Variants in STAU2 observed in about 807,000 individuals in gnomAD.
The protein encoded by STAU2 is staufen double-stranded RNA binding protein 2, also known as double-stranded RNA-binding protein Staufen homolog 2.
A neutral mutation model predicts 65.9 loss-of-function variants in STAU2; 20 were observed. The observed-to-expected ratio is 0.30, with a 90% CI of 0.21 to 0.44. STAU2 has a LOEUF of 0.44. Ranked by LOEUF, STAU2 falls within the 20% of genes least tolerant of loss-of-function variation. The pLI, the probability that STAU2 is intolerant of heterozygous loss-of-function variation, is 1.00. For synonymous variants in STAU2, 232 were observed against 233.9 expected, an observed-to-expected ratio of 0.99 and a Z score of 0.07; for missense variants, 558 against 683.9, an observed-to-expected ratio of 0.82 and a Z score of 2.05.
At chr8:73,614,510 A>G (rs796155789) in intron 8 of STAU2, among the ~76,000 whole-genome samples, 55 of 152,308 alleles carry the variant, frequency 3.6e-4, no homozygotes, top group African/African-American at 1.3e-3. Context: ...ACACGATTTT[A>G]AAAAGGTAAG....
chr8:73,495,662 A>AATAAAT (rs1219527730), intron 13 of STAU2, among the ~76,000 whole-genome samples: 417 of 132,500 alleles, frequency 3.1e-3, no homozygotes, highest in Non-Finnish European at 5.2e-3. Flanking sequence ...CATAAAGCCA[A>AATAAAT]ATATATATAT....
Position 73,738,367 on chromosome 8 carries a change from A to G in STAU2, c.-83-18T>C. 2 of 1,579,120 alleles carry G rather than the reference A, an allele frequency of 1.3e-6. No homozygotes were observed. The highest frequency in any genetic ancestry group is 2.0e-5 in the Admixed American group (1 of 51,108). On this transcript the variant is annotated intron_variant, in intron 2 of 14. Coordinates refer to ENST00000524300, the MANE Select transcript of STAU2 (RefSeq NM_001164380.2). ...TCCAAAAACTGGAAAACGAAAATGA[A>G]GAAATAAAGTTCAACTTAGCTGATA...
intron 14 of STAU2, 89 bp downstream of exon 14, chr8:73,422,525 G>T: frequency 9.7e-7 from 1 of 1,030,458 alleles, no homozygotes; most frequent in Non-Finnish European, 1.3e-6. Context: ...AGATACTATT[G>T]TCGACTTTTT....
chr8:73,488,095 T>C (rs1438039431), intron 13 of STAU2, among the ~76,000 whole-genome samples: 1 of 152,008 alleles, frequency 6.6e-6, no homozygotes, highest in African/African-American at 2.4e-5. Context: ...TGTGAATGAA[T>C]AAAAAATGTA....
chr8:73,632,667 GA>G (rs766701283), intron 6 of STAU2, among the ~76,000 whole-genome samples: 9 of 152,174 alleles, frequency 5.9e-5, no homozygotes, highest in Non-Finnish European at 1.2e-4. Flanking sequence ...TGACCATGGT[GA>G]TCTCTCAGGA....
At position 73,572,823 on chromosome 8, in the gene STAU2, T is replaced by G. The variant is rs192267453; in HGVS notation, c.1222+9947A>C. ...ATGGGCAAAAACTGGAAGCATTCCCTTTGAAAACTGGCTCAAGACAGGGAT... is the reference window on the plus strand; with the variant it reads ...ATGGGCAAAAACTGGAAGCATTCCCGTTGAAAACTGGCTCAAGACAGGGAT... On this transcript the variant is annotated intron_variant, in intron 12 of 14. Coordinates refer to ENST00000524300, the MANE Select transcript of STAU2 (RefSeq NM_001164380.2). Among the ~76,000 whole-genome samples the G allele has an allele frequency of 8.9e-4, 136 of 152,286 alleles. 1 individual carries two copies. The highest frequency in any genetic ancestry group is 6.8e-3 in the Middle Eastern group (2 of 294).
chr8:73,732,085 G>A (rs1024023394), intron 3 of STAU2, among the ~76,000 whole-genome samples: 73 of 152,350 alleles, frequency 4.8e-4, no homozygotes, highest in African/African-American at 1.7e-3. Context: ...ATGTCAGCAG[G>A]ACAGATGTTT....
intron 13 of STAU2, among the ~76,000 whole-genome samples, chr8:73,523,828 T>C (rs1031962135): frequency 2.6e-5 from 4 of 152,166 alleles, no homozygotes; most frequent in Non-Finnish European, 4.4e-5. Flanking sequence ...TTGTGTGCCA[T>C]AGCTAAATTT....
chr8:73,712,238 T>C (rs1820949977), intron 3 of STAU2, among the ~76,000 whole-genome samples: 1 of 152,158 alleles, frequency 6.6e-6, no homozygotes, highest in Non-Finnish European at 1.5e-5. Context: ...GCTGGAATAG[T>C]AGAGACCTAC....
intron 3 of STAU2, among the ~76,000 whole-genome samples, chr8:73,711,147 A>C (rs1462497626): frequency 6.6e-6 from 1 of 150,416 alleles, no homozygotes; most frequent in Non-Finnish European, 1.5e-5. Context: ...AAAAAAAAAA[A>C]AAAAAAAAAA....
chr8:73,553,865 G>A (rs79920087), intron 12 of STAU2, among the ~76,000 whole-genome samples: 14,406 of 151,660 alleles, frequency 0.095, 1,175 homozygotes, highest in African/African-American at 0.2. Context: ...GGGAATGTTT[G>A]TAAGGATTAC....
At chr8:73,425,492 C>A (rs965676812) in intron 13 of STAU2, among the ~76,000 whole-genome samples, 2 of 152,164 alleles carry the variant, frequency 1.3e-5, no homozygotes, top group African/African-American at 4.8e-5. Flanking sequence ...TGATCTTGAA[C>A]TTCTAGCCTC....
chr8:73,464,600 GCACACA>G (rs770126004), intron 13 of STAU2, among the ~76,000 whole-genome samples: 1 of 101,884 alleles, frequency 9.8e-6, no homozygotes, highest in Non-Finnish European at 2.1e-5. Flanking sequence ...GTGTGCACGC[GCACACA>G]CACACACACA....
chr8:73,628,761 CTT>C (rs925384876), intron 6 of STAU2, among the ~76,000 whole-genome samples: 5 of 152,172 alleles, frequency 3.3e-5, no homozygotes, highest in Non-Finnish European at 7.3e-5. Flanking sequence ...GGTTTACACT[CTT>C]TTTCGATAAA....
chr8:73,686,569 G>C (rs1032540883), intron 5 of STAU2, among the ~76,000 whole-genome samples: 1 of 150,538 alleles, frequency 6.6e-6, no homozygotes, highest in African/African-American at 2.4e-5. Context: ...AAAAACAATG[G>C]ATTTTGGGGA....
intron 1 of STAU2, among the ~76,000 whole-genome samples, chr8:73,743,670 T>C (rs1158964227): frequency 1.3e-5 from 2 of 150,098 alleles, no homozygotes; most frequent in African/African-American, 4.9e-5. Flanking sequence ...ACGGGGTTTC[T>C]CCATGTTCGT....
chr8:73,518,359 C>A (rs2128927260), intron 13 of STAU2, among the ~76,000 whole-genome samples: 1 of 152,282 alleles, frequency 6.6e-6, no homozygotes, highest in Middle Eastern at 3.4e-3. Flanking sequence ...AAGGCTTCTT[C>A]CTTCTAATCC....
chr8:73,732,360 T>A (rs1806127229), intron 3 of STAU2, among the ~76,000 whole-genome samples: 1 of 152,214 alleles, frequency 6.6e-6, no homozygotes, highest in African/African-American at 2.4e-5. Flanking sequence ...ATCCATCACT[T>A]CTGTTACATT....
intron 13 of STAU2, among the ~76,000 whole-genome samples, chr8:73,500,325 C>T (rs1236546972): frequency 3.9e-5 from 6 of 151,900 alleles, no homozygotes; most frequent in East Asian, 3.9e-4. Context: ...CCTACCACTT[C>T]GTTGGTGTGG....
Sources: gnomAD v4.1 joint callset for allele counts (sites outside exome capture counted in the v4.1 genomes callset) on GRCh38, gnomAD v4.1.1 for gene constraint, MANE v1.5 for transcripts, NCBI Gene and HGNC (gene_info 2026-07-23, HGNC 2026-07-21) for gene names.